The following PRKAR1A variants were observed in gnomAD, a reference collection of about 807,000 sequenced individuals.
PRKAR1A encodes protein kinase cAMP-dependent type I regulatory subunit alpha, also known as cAMP-dependent protein kinase type I-alpha regulatory subunit.
In PRKAR1A, 3 loss-of-function variants were observed where a neutral mutation model predicts 52.0. The observed-to-expected ratio is 0.06, with a 90% confidence interval of 0.03 to 0.15. The LOEUF is 0.15. Among genes scored for constraint, PRKAR1A ranks in the 10% least tolerant of loss-of-function variants. PRKAR1A has a pLI of 1.00. For missense variants in PRKAR1A, 240 were observed against 477.4 expected (o/e 0.50, Z 4.63); for synonymous variants, 188 against 168.4 (o/e 1.12, Z -0.90).
At chr17:68,491,304 C>G in the PRKAR1A span, among the ~76,000 whole-genome samples, 3 of 152,080 alleles carry the variant, frequency 2.0e-5, no homozygotes, top group Non-Finnish European at 2.9e-5. Flanking sequence ...GTTGGCCAGG[C>G]TGGTCTTGAA....
intron 2 of PRKAR1A, 110 bp downstream of exon 2, chr17:68,515,686 A>G: frequency 7.7e-7 from 1 of 1,294,596 alleles, no homozygotes; most frequent in Non-Finnish European, 1.1e-6. Flanking sequence ...TGACTAAATA[A>G]AAAGTCTAAA....
chr17:68,539,206 G>A (rs2086186467), intron 11 of PRKAR1A: 3 of 793,686 alleles, frequency 3.8e-6, no homozygotes, highest in African/African-American at 3.4e-5. Flanking sequence ...AGGAAATAAG[G>A]TGATTCATGT....
At chr17:68,419,357 G>C in the PRKAR1A span, among the ~76,000 whole-genome samples, 16 of 152,030 alleles carry the variant, frequency 1.1e-4, no homozygotes, top group Non-Finnish European at 2.1e-4. Context: ...TTAGGAGTTC[G>C]AGACCAGCCT....
In PRKAR1A at chr17:68,530,587, C is replaced by T; in HGVS notation, c.*138C>T. On this transcript the variant is annotated 3_prime_UTR_variant, in exon 11 of 11. Coordinates refer to ENST00000589228, the MANE Select transcript of PRKAR1A (RefSeq NM_002734.5). ...CTGTCTGTTTATATATTGAAAGTTG[C>T]TTTTATTGCACCATTTTCAATTTGG... 1 of 1,553,472 alleles carries T rather than the reference C, an allele frequency of 6.4e-7. No individual in the cohort carries two copies. Among genetic ancestry groups the T allele is most frequent in the Non-Finnish European group, 8.7e-7 (1 of 1,150,982 alleles).
the PRKAR1A span, among the ~76,000 whole-genome samples, chr17:68,458,620 C>A: frequency 6.6e-6 from 1 of 152,210 alleles, no homozygotes; most frequent in East Asian, 1.9e-4. Context: ...AGATATAGCA[C>A]AATTCAAAAC....
At chr17:68,420,371 G>A in the PRKAR1A span, 145 of 1,614,122 alleles carry the variant, frequency 9.0e-5, no homozygotes, top group Admixed American at 1.7e-4. Flanking sequence ...CATTGCCAAC[G>A]ACAACATCTC....
At chr17:68,474,421 T>C in the PRKAR1A span, among the ~76,000 whole-genome samples, 1 of 152,180 alleles carries the variant, frequency 6.6e-6, no homozygotes, top group Non-Finnish European at 1.5e-5. Context: ...GTTTGAGGCT[T>C]GAGTGACTTG....
the PRKAR1A span, among the ~76,000 whole-genome samples, chr17:68,442,155 A>G: frequency 2.0e-5 from 3 of 152,310 alleles, no homozygotes; most frequent in South Asian, 6.2e-4. Context: ...AAACAACTAT[A>G]TTTGCTAAAA....
At chr17:68,540,759 C>G (rs1053826197) in intron 11 of PRKAR1A, 57 of 1,493,288 alleles carry the variant, frequency 3.8e-5, no homozygotes, top group Non-Finnish European at 5.0e-5. Context: ...TCCTCATGAA[C>G]CAGGTTGTAA....
intron 2 of PRKAR1A, among the ~76,000 whole-genome samples, chr17:68,519,142 C>T (rs1450425910): frequency 6.6e-6 from 1 of 152,210 alleles, no homozygotes; most frequent in Non-Finnish European, 1.5e-5. Context: ...CACCCTCTTC[C>T]TGTTACCCAG....
At chr17:68,490,777 C>T in the PRKAR1A span, among the ~76,000 whole-genome samples, 3 of 152,154 alleles carry the variant, frequency 2.0e-5, no homozygotes, top group Non-Finnish European at 4.4e-5. Flanking sequence ...CCTCATCATC[C>T]TTTGGGTTCC....
At chr17:68,472,484 G>A in the PRKAR1A span, among the ~76,000 whole-genome samples, 1 of 152,104 alleles carries the variant, frequency 6.6e-6, no homozygotes, top group African/African-American at 2.4e-5. Context: ...TGGAAACGTA[G>A]GGTTTCCTGT....
At position 68,533,098 on chromosome 17, in the gene PRKAR1A, T is replaced by C; in HGVS notation, c.*2649T>C. ...CCCAGACTTAATGGGGAAACATCAT[T>C]TCTAGATTAGCATACTCTTTGGTTT... On this transcript the variant is annotated 3_prime_UTR_variant, in exon 11 of 11. Transcript: ENST00000589228. 1 of 1,065,288 alleles carries C rather than the reference T, an allele frequency of 9.4e-7. No individual in the cohort carries two copies. Among genetic ancestry groups the C allele is most frequent in the Non-Finnish European group, 1.1e-6 (1 of 879,272 alleles). 66.0% of individuals were successfully genotyped at this position (1,065,288 alleles called of 1,614,324 possible). A position where few individuals can be genotyped will look rare whatever the true frequency, so the allele number is the denominator to read the frequency against.
At chr17:68,513,504 C>T (rs1215090608) in intron 1 of PRKAR1A, among the ~76,000 whole-genome samples, 2 of 152,180 alleles carry the variant, frequency 1.3e-5, no homozygotes, top group Admixed American at 6.5e-5. Flanking sequence ...ACAATTTTGT[C>T]ACAACTGAAT....
chr17:68,492,130 T>C, the PRKAR1A span, among the ~76,000 whole-genome samples: 5 of 152,226 alleles, frequency 3.3e-5, no homozygotes, highest in African/African-American at 4.8e-5. Context: ...TAAGAAGTCA[T>C]GTGGCATTCG....
At chr17:68,488,920 A>G in the PRKAR1A span, among the ~76,000 whole-genome samples, 1 of 151,374 alleles carries the variant, frequency 6.6e-6, no homozygotes, top group African/African-American at 2.4e-5. Context: ...CTCTTTCTCT[A>G]TCCTGTGTCT....
At chr17:68,426,243 GGGGAGC>G in the PRKAR1A span, 5 of 935,360 alleles carry the variant, frequency 5.3e-6, no homozygotes, top group Non-Finnish European at 7.9e-6. Flanking sequence ...CCTGGCGGGT[GGGGAGC>G]GGGGGCTCAA....
the PRKAR1A span, chr17:68,426,238 C>CGGTGGGGGGGGGGGGGGGGG: frequency 1.6e-6 from 1 of 615,202 alleles, no homozygotes; most frequent in Non-Finnish European, 2.3e-6. Context: ...CATGACCTGG[C>CGGTGGGGGGGGGGGGGGGGG]GGGTGGGGAG....
the PRKAR1A span, among the ~76,000 whole-genome samples, chr17:68,465,303 C>T: frequency 6.6e-6 from 1 of 152,074 alleles, no homozygotes; most frequent in Non-Finnish European, 1.5e-5. Flanking sequence ...TTTGGCTGAA[C>T]ATTTGTACTA....
Sources: allele counts gnomAD v4.1 joint callset (sites outside exome capture counted in the v4.1 genomes callset), GRCh38; gene constraint gnomAD v4.1.1; transcripts MANE v1.5; gene names NCBI Gene and HGNC (gene_info 2026-07-23, HGNC 2026-07-21).